The following CAST variants were observed in gnomAD, a reference collection of about 807,000 sequenced individuals.
The protein encoded by CAST is MIR583 host.
CAST carries 76 observed loss-of-function variants against 119.6 expected under a neutral mutation model. The ratio of observed to expected loss-of-function variants is 0.64; its 90% CI spans 0.53 to 0.77. The LOEUF is 0.77. CAST is among the 30% of genes least tolerant of loss of function. CAST has a pLI of 0.00. For synonymous variants in CAST, 319 were observed against 331.6 expected (o/e 0.96, Z 0.41); for missense variants, 953 against 946.5 (o/e 1.01, Z -0.09).
chr5:96,361,468 C>T, the CAST span, among the ~76,000 whole-genome samples: 126 of 152,166 alleles, frequency 8.3e-4, no homozygotes, highest in Non-Finnish European at 7.2e-4. Context: ...GGTGTAGGTA[C>T]CCAAGGGAAT....
the CAST span, among the ~76,000 whole-genome samples, chr5:95,983,431 A>G: frequency 6.6e-6 from 1 of 152,138 alleles, no homozygotes; most frequent in East Asian, 1.9e-4. Flanking sequence ...AAAAATTCAC[A>G]AAAGATCCAC....
the CAST span, among the ~76,000 whole-genome samples, chr5:96,484,092 A>G: frequency 6.6e-6 from 1 of 152,136 alleles, no homozygotes; most frequent in Non-Finnish European, 1.5e-5. Context: ...CACCTGTTTA[A>G]TAAGTCTGTA....
the CAST span, among the ~76,000 whole-genome samples, chr5:96,513,731 AT>A: frequency 6.6e-6 from 1 of 152,298 alleles, no homozygotes; most frequent in African/African-American, 2.4e-5. Context: ...AAAAGTCCTG[AT>A]TTTTTTGAAA....
the CAST span, among the ~76,000 whole-genome samples, chr5:96,148,751 T>TTA: frequency 1.3e-5 from 2 of 152,354 alleles, no homozygotes; most frequent in Admixed American, 6.5e-5. Flanking sequence ...TAAATCAAGT[T>TTA]ATCTGATCCC....
intron 3 of CAST, among the ~76,000 whole-genome samples, chr5:96,706,901 G>A (rs1222587365): frequency 6.6e-6 from 1 of 152,132 alleles, no homozygotes; most frequent in African/African-American, 2.4e-5. Context: ...TTGTCCTGGG[G>A]CTCTACGCAG....
At chr5:96,170,253 G>T in the CAST span, among the ~76,000 whole-genome samples, 2 of 152,128 alleles carry the variant, frequency 1.3e-5, no homozygotes, top group Non-Finnish European at 2.9e-5. Flanking sequence ...TTGAACAGTG[G>T]GGTCCTGCAC....
the CAST span, among the ~76,000 whole-genome samples, chr5:96,396,892 C>T: frequency 6.6e-6 from 1 of 152,200 alleles, no homozygotes; most frequent in Non-Finnish European, 1.5e-5. Flanking sequence ...TAAGATATCT[C>T]TCCAAACATT....
At chr5:96,322,967 C>T in the CAST span, among the ~76,000 whole-genome samples, 1 of 152,160 alleles carries the variant, frequency 6.6e-6, no homozygotes, top group Non-Finnish European at 1.5e-5. Context: ...CATTATTCTT[C>T]CCACATGTTG....
the CAST span, among the ~76,000 whole-genome samples, chr5:96,502,620 C>T: frequency 1.7e-5 from 1 of 59,034 alleles, no homozygotes; most frequent in South Asian, 5.9e-4. Flanking sequence ...CCTAGTCTTT[C>T]TTTCTTTCTT....
At chr5:96,092,956 G>A in the CAST span, among the ~76,000 whole-genome samples, 6 of 152,058 alleles carry the variant, frequency 3.9e-5, no homozygotes, top group African/African-American at 1.2e-4. Flanking sequence ...ATCATTGTTC[G>A]GCGATTTTTC....
At chr5:96,387,416 A>T in the CAST span, among the ~76,000 whole-genome samples, 53 of 152,340 alleles carry the variant, frequency 3.5e-4, no homozygotes, top group African/African-American at 1.3e-3. Context: ...CAGATAAACA[A>T]GATGGGTTTG....
chr5:95,977,506 A>G, the CAST span, among the ~76,000 whole-genome samples: 1 of 152,228 alleles, frequency 6.6e-6, no homozygotes, highest in Non-Finnish European at 1.5e-5. Context: ...CCTAAGTTCT[A>G]TCTGGAAAAT....
At chr5:96,578,465 CTATT>C (rs1473186050) in intron 1 of CAST, among the ~76,000 whole-genome samples, 1 of 151,698 alleles carries the variant, frequency 6.6e-6, no homozygotes, top group Non-Finnish European at 1.5e-5. Context: ...TTCCATTTTA[CTATT>C]TGTTTTCTGT....
At chr5:96,540,468 T>G (rs1745892150) in intron 1 of CAST, among the ~76,000 whole-genome samples, 1 of 152,148 alleles carries the variant, frequency 6.6e-6, no homozygotes, top group Admixed American at 6.6e-5. Flanking sequence ...AGTTTTAGAT[T>G]TATAGAAAAA....
At chr5:96,303,951 T>C in the CAST span, among the ~76,000 whole-genome samples, 1 of 152,194 alleles carries the variant, frequency 6.6e-6, no homozygotes, top group East Asian at 1.9e-4. Flanking sequence ...TTATAATCCT[T>C]TGGGTATATA....
chr5:96,335,963 C>G, the CAST span, among the ~76,000 whole-genome samples: 1 of 152,190 alleles, frequency 6.6e-6, no homozygotes, highest in Non-Finnish European at 1.5e-5. Flanking sequence ...AATGCACCTT[C>G]TTTTAACTGG....
the CAST span, among the ~76,000 whole-genome samples, chr5:96,004,831 C>T: frequency 1.3e-5 from 2 of 152,084 alleles, no homozygotes; most frequent in Non-Finnish European, 2.9e-5. Flanking sequence ...GTTGAAAGTA[C>T]CCACTGATTG....
the CAST span, among the ~76,000 whole-genome samples, chr5:96,489,714 G>T: frequency 6.6e-6 from 1 of 152,072 alleles, no homozygotes; most frequent in Non-Finnish European, 1.5e-5. Context: ...AGCTCTTCCT[G>T]TTTGCTGAGA....
chr5:96,047,013 G>A, the CAST span, among the ~76,000 whole-genome samples: 4 of 152,310 alleles, frequency 2.6e-5, no homozygotes, highest in African/African-American at 9.6e-5. Flanking sequence ...TTCAAGTTGA[G>A]ATTTGGGTAG....
Sources: gnomAD v4.1 joint callset for allele counts (sites outside exome capture counted in the v4.1 genomes callset) on GRCh38, gnomAD v4.1.1 for gene constraint, MANE v1.5 for transcripts, NCBI Gene and HGNC (gene_info 2026-07-23, HGNC 2026-07-21) for gene names.